Variants in AMMECR1 observed in about 807,000 individuals in gnomAD.
AMMECR1 encodes AMMECR nuclear protein 1.
In AMMECR1, 3 loss-of-function variants were observed where a neutral mutation model predicts 22.5. The ratio of observed to expected loss-of-function variants is 0.13; its 90% confidence interval spans 0.06 to 0.35. The LOEUF is 0.35. Ranked by LOEUF, AMMECR1 falls within the 10% of genes least tolerant of loss-of-function variation. The pLI is 1.00. For synonymous variants in AMMECR1, 130 were observed against 116.7 expected, an observed-to-expected ratio of 1.11 and a Z score of -0.74; for missense variants, 235 against 278.7, an observed-to-expected ratio of 0.84 and a Z score of 1.12.
intron 2 of AMMECR1, among the ~76,000 whole-genome samples, chrX:110,241,908 G>C (rs2067635257): frequency 1.8e-5 from 2 of 111,656 alleles, no homozygotes; most frequent in South Asian, 3.8e-4. Flanking sequence ...ACCCAACAAA[G>C]TAGCATCATT....
chrX:110,283,482 C>T (rs2067863161), intron 1 of AMMECR1, among the ~76,000 whole-genome samples: 1 of 112,228 alleles, frequency 8.9e-6, no homozygotes, highest in Non-Finnish European at 1.9e-5. Flanking sequence ...ATTTATTTCT[C>T]ATAGTTCTGG....
At chrX:110,321,368 A>G (rs1024465085), upstream of AMMECR1, among the ~76,000 whole-genome samples, 2 of 110,407 alleles carry the variant, frequency 1.8e-5, no homozygotes, top group Admixed American at 1.9e-4. Flanking sequence ...AAAAAAAAAT[A>G]GGCCATAGTC....
At chrX:110,239,165 C>T (rs972729271) in intron 2 of AMMECR1, among the ~76,000 whole-genome samples, 4 of 111,361 alleles carry the variant, frequency 3.6e-5, no homozygotes, top group South Asian at 7.6e-4. Flanking sequence ...CACAACTCCT[C>T]GCCAACAAGG....
rs146727410 is a variant in AMMECR1 at position 110,197,992 on chromosome X, A to C, written c.*528T>G. On this transcript the variant is annotated 3_prime_UTR_variant, in exon 6 of 6. Transcript: ENST00000262844. ...TTCAGACAAAAATCAAGAGTAATAT[A>C]CAAATACCTGAATTTGATATGAATT... The C allele has an allele frequency of 3.7e-3, 412 of 112,056 alleles. 2 individuals are homozygous for C. Among genetic ancestry groups the C allele is most frequent in the Non-Finnish European group, 6.1e-3 (326 of 53,193 alleles). The allele number at this position is 112,056 out of a possible 1,213,427, so 9.2% of individuals were successfully genotyped here. A position where few individuals can be genotyped will look rare whatever the true frequency, so the allele number is the denominator to read the frequency against.
intron 1 of AMMECR1, among the ~76,000 whole-genome samples, chrX:110,312,082 C>T (rs2068025861): frequency 8.9e-6 from 1 of 112,314 alleles, no homozygotes; most frequent in Admixed American, 9.4e-5. Context: ...TTTATAAGAG[C>T]CAAGCATGTG....
intron 2 of AMMECR1, among the ~76,000 whole-genome samples, chrX:110,361,415 T>C (rs2068262650): frequency 9.0e-6 from 1 of 111,534 alleles, no homozygotes; most frequent in South Asian, 3.8e-4. Flanking sequence ...CTTGCCACCA[T>C]CACTCAAGCC....
At chrX:110,233,527 A>G (rs2067581975) in intron 2 of AMMECR1, among the ~76,000 whole-genome samples, 1 of 112,077 alleles carries the variant, frequency 8.9e-6, no homozygotes, top group East Asian at 2.8e-4. Flanking sequence ...GAGACGCAAC[A>G]AAAAAGAGAA....
chrX:110,431,952 A>T (rs1005986507), intron 1 of AMMECR1, among the ~76,000 whole-genome samples: 4 of 112,120 alleles, frequency 3.6e-5, no homozygotes, highest in Admixed American at 2.8e-4. Flanking sequence ...AGCAGAGGAA[A>T]GGGCTCATGG....
At chrX:110,428,976 C>T (rs1276669774) in intron 1 of AMMECR1, among the ~76,000 whole-genome samples, 3 of 112,112 alleles carry the variant, frequency 2.7e-5, no homozygotes, top group Non-Finnish European at 5.6e-5. Context: ...GCACTTGCTC[C>T]TCCTTCAACT....
At chrX:110,358,405 A>G (rs968023327) in intron 2 of AMMECR1, among the ~76,000 whole-genome samples, 1 of 111,497 alleles carries the variant, frequency 9.0e-6, no homozygotes, top group Non-Finnish European at 1.9e-5. Flanking sequence ...ATTATTAATG[A>G]TAAGAGCTAA....
At chrX:110,382,347 C>G (rs890075159) in intron 2 of AMMECR1, among the ~76,000 whole-genome samples, 1 of 110,404 alleles carries the variant, frequency 9.1e-6, no homozygotes, top group Non-Finnish European at 1.9e-5. Flanking sequence ...CCCAGCAACC[C>G]AAACACCACC....
chrX:110,260,169 C>T (rs967037987), intron 2 of AMMECR1, among the ~76,000 whole-genome samples: 3 of 111,479 alleles, frequency 2.7e-5, no homozygotes, highest in African/African-American at 9.8e-5. Context: ...CATCCTGCTT[C>T]GTATTTTCTA....
chrX:110,353,015 C>T (rs528829128), intron 2 of AMMECR1, among the ~76,000 whole-genome samples: 3 of 111,958 alleles, frequency 2.7e-5, no homozygotes, highest in African/African-American at 9.7e-5. Flanking sequence ...TGTTGTGAAA[C>T]GTTTATATGT....
At chrX:110,261,222 A>C (rs1237482365) in intron 2 of AMMECR1, among the ~76,000 whole-genome samples, 1 of 112,070 alleles carries the variant, frequency 8.9e-6, no homozygotes, top group East Asian at 2.8e-4. Flanking sequence ...CACAATAAAA[A>C]AAAAGAAGAG....
chrX:110,330,685 A>G (rs896824970), intron 2 of AMMECR1, among the ~76,000 whole-genome samples: 2 of 111,622 alleles, frequency 1.8e-5, no homozygotes, highest in Non-Finnish European at 3.8e-5. Context: ...CCTTCACCAC[A>G]GGTAGTTTGA....
At chrX:110,233,958 A>G (rs189508174) in intron 2 of AMMECR1, among the ~76,000 whole-genome samples, 1 of 112,158 alleles carries the variant, frequency 8.9e-6, no homozygotes, top group South Asian at 3.7e-4. Context: ...TATTCAACAT[A>G]GTGTTGGAAG....
chrX:110,217,055 T>C (rs2067476898), intron 2 of AMMECR1, among the ~76,000 whole-genome samples: 1 of 109,890 alleles, frequency 9.1e-6, no homozygotes, highest in African/African-American at 3.3e-5. Flanking sequence ...TATATGTGTG[T>C]GTGTATGTAT....
At chrX:110,400,272 A>G (rs892578058) in intron 2 of AMMECR1, among the ~76,000 whole-genome samples, 2 of 106,552 alleles carry the variant, frequency 1.9e-5, no homozygotes. Context: ...TTCAAACAAC[A>G]TGGAAGCCTC....
chrX:110,320,248 T>G (rs2068073955), upstream of AMMECR1, among the ~76,000 whole-genome samples: 1 of 112,002 alleles, frequency 8.9e-6, no homozygotes, highest in Admixed American at 9.4e-5. Flanking sequence ...CCACAACAAC[T>G]GGTATGTTAG....
Sources: gnomAD v4.1 joint callset for allele counts (sites outside exome capture counted in the v4.1 genomes callset) on GRCh38, gnomAD v4.1.1 for gene constraint, MANE v1.5 for transcripts, NCBI Gene and HGNC (gene_info 2026-07-23, HGNC 2026-07-21) for gene names.